The following ABTB2 variants were observed in gnomAD, a reference collection of about 807,000 sequenced individuals.
ABTB2 encodes the protein ankyrin repeat and BTB/POZ domain-containing protein 2.
A neutral mutation model predicts 104.1 loss-of-function variants in ABTB2; 56 were observed. The observed-to-expected ratio is 0.54, with a 90% CI of 0.43 to 0.67. ABTB2 has a LOEUF of 0.67. ABTB2 is among the 30% of genes least tolerant of loss of function. ABTB2 has a pLI of 0.00. For missense variants in ABTB2, 1,279 were observed against 1,407.7 expected (o/e 0.91, Z 1.46); for synonymous variants, 606 against 608.2 (o/e 1.00, Z 0.05).
At chr11:34,216,405 G>A (rs1382608833) in intron 1 of ABTB2, among the ~76,000 whole-genome samples, 2 of 152,118 alleles carry the variant, frequency 1.3e-5, no homozygotes, top group Admixed American at 1.3e-4. Context: ...ATGTCATATA[G>A]TTGGAATCAT....
chr11:34,339,636 G>A (rs1855238703), intron 1 of ABTB2, among the ~76,000 whole-genome samples: 1 of 151,880 alleles, frequency 6.6e-6, no homozygotes, highest in South Asian at 2.1e-4. Context: ...GCTTCCCTGA[G>A]TAGAATCATC....
chr11:34,186,096 G>A (rs1187718989), intron 3 of ABTB2, among the ~76,000 whole-genome samples: 5 of 152,236 alleles, frequency 3.3e-5, no homozygotes, highest in Admixed American at 6.5e-5. Flanking sequence ...GTTTGCCTTG[G>A]GGCCCACGGC....
chr11:34,356,889 G>C lies in ABTB2; in HGVS notation c.695C>G (p.Thr232Ser). 6.2e-7 allele frequency: 1 copy of C among 1,604,582 alleles called. No homozygotes were observed. The highest frequency in any genetic ancestry group is 8.5e-7 in the Non-Finnish European group (1 of 1,175,458). Residue 232 changes from threonine (T) to serine (S), a missense_variant, in exon 1 of 17, where the codon ACC (threonine) becomes AGC (serine). Thr to Ser is a moderately conservative substitution (Grantham distance 58). Transcript: ENST00000435224. This position sits in a 1 kb window ranked among gnomAD's most constrained non-coding sequence, Gnocchi z 4.6. ...RIHEYAAISL[T>S]ACMENLVEEI... ...CTCCACCAGGTTCTCCATGCAGGCG[G>C]TGAGGGAGATGGCTGCGTACTCGTG...
chr11:34,198,297 C>T (rs1031627733), intron 2 of ABTB2, among the ~76,000 whole-genome samples: 5 of 152,072 alleles, frequency 3.3e-5, no homozygotes, highest in African/African-American at 7.2e-5. Context: ...TAGTGGCAGG[C>T]GCCTGTAGTC....
At chr11:34,214,048 C>T (rs148653811) in intron 1 of ABTB2, among the ~76,000 whole-genome samples, 7 of 152,036 alleles carry the variant, frequency 4.6e-5, no homozygotes, top group African/African-American at 7.2e-5. Context: ...CTTTGTCATA[C>T]GCTGTCCTTG....
intron 1 of ABTB2, among the ~76,000 whole-genome samples, chr11:34,255,312 C>T (rs2133071207): frequency 6.6e-6 from 1 of 152,230 alleles, no homozygotes; most frequent in African/African-American, 2.4e-5. Flanking sequence ...TCTCACCTTT[C>T]CCCTCAACTC....
At chr11:34,297,300 A>G (rs1854633923) in intron 1 of ABTB2, among the ~76,000 whole-genome samples, 1 of 152,144 alleles carries the variant, frequency 6.6e-6, no homozygotes, top group Non-Finnish European at 1.5e-5. Flanking sequence ...TCTCAACTAC[A>G]TATTTTTTAA....
At chr11:34,184,325 G>A (rs947551044) in intron 3 of ABTB2, among the ~76,000 whole-genome samples, 3 of 152,196 alleles carry the variant, frequency 2.0e-5, no homozygotes, top group Non-Finnish European at 4.4e-5. Context: ...GGGGAAGCAC[G>A]GCAGCCCGGG....
At chr11:34,153,301 T>C (rs964530980) in intron 16 of ABTB2, among the ~76,000 whole-genome samples, 6 of 152,246 alleles carry the variant, frequency 3.9e-5, no homozygotes, top group East Asian at 1.9e-4. Context: ...GGCTGGCTAT[T>C]ATTTAGCCTG....
chr11:34,357,140 C>A lies in ABTB2; in HGVS notation c.444G>T (p.Val148=). The A allele has an allele frequency of 6.7e-7, 1 of 1,499,472 alleles. No homozygotes were observed. Among genetic ancestry groups the A allele is most frequent in the East Asian group, 2.5e-5 (1 of 39,730 alleles). The allele number at this position is 1,499,472 out of a possible 1,614,324, so 92.9% of individuals were successfully genotyped here. ...CAAAGCGGGTGCACTTGGCGTGCAG[C>A]ACGCTCAGGCGCTGCGCCTCGCGGG... ...RVAREAQRLS[V]LHAKCTRFEV... is the part of the protein sequence containing the mutation. The change falls in exon 1 of 17, where the codon GTG becomes GTT. Residue 148 remains valine, a synonymous_variant. Transcript: ENST00000435224.
rs1309578789 is a variant in ABTB2 at position 34,251,431 on chromosome 11, T to C, written c.884-46741A>G. Among the ~76,000 whole-genome samples, 4 of 152,274 alleles carry C rather than the reference T, an allele frequency of 2.6e-5. No homozygotes were observed. In the East Asian group the frequency reaches 7.7e-4, roughly 29 times the overall value. Reference sequence around the variant, plus strand: ...CAGCCAGAAACACAGCTCCCGACACTGTCTCAGGCACCAGTGAAATGCTAG... The same window carrying C: ...CAGCCAGAAACACAGCTCCCGACACCGTCTCAGGCACCAGTGAAATGCTAG... On this transcript the variant is annotated intron_variant, in intron 1 of 16. Transcript: ENST00000435224.
At chr11:34,173,451 G>T in intron 3 of ABTB2, 144 bp from the exon 4 acceptor site, 1 of 1,070,284 alleles carries the variant, frequency 9.3e-7, no homozygotes. Context: ...CTGGGCAGCA[G>T]AGGGTCAGGC....
intron 1 of ABTB2, among the ~76,000 whole-genome samples, chr11:34,265,192 A>G (rs914918037): frequency 7.2e-5 from 11 of 152,236 alleles, no homozygotes; most frequent in African/African-American, 2.2e-4. Context: ...AAGCCTGAGC[A>G]TATAAGACAA....
intron 3 of ABTB2, among the ~76,000 whole-genome samples, chr11:34,189,646 G>A (rs991421370): frequency 6.6e-6 from 1 of 151,688 alleles, no homozygotes; most frequent in Non-Finnish European, 1.5e-5. Context: ...TAAAGTGTAG[G>A]TCCATTTCTG....
chr11:34,356,752 A>G lies in ABTB2; in HGVS notation c.832T>C (p.Trp278Arg). 1 of 1,611,538 alleles carries G rather than the reference A, an allele frequency of 6.2e-7. No individual in the cohort carries two copies. Among genetic ancestry groups the G allele is most frequent in the Non-Finnish European group, 8.5e-7 (1 of 1,178,712 alleles). Residue 278 changes from tryptophan (W) to arginine (R), a missense_variant, in exon 1 of 17, where the codon TGG (tryptophan) becomes CGG (arginine). Coordinates refer to ENST00000435224, the MANE Select transcript of ABTB2 (RefSeq NM_145804.3). This position sits in a 1 kb window ranked among gnomAD's most constrained non-coding sequence, Gnocchi z 4.6. ...EMVINNDAELWGVLQPYEHLI... is the reference protein window; with the variant it reads ...EMVINNDAELRGVLQPYEHLI... ...TGCTCATAGGGCTGCAAGACGCCCC[A>G]GAGCTCGGCGTCGTTGTTGATGACC...
At chr11:34,262,042 A>G (rs963540993) in intron 1 of ABTB2, among the ~76,000 whole-genome samples, 4 of 152,220 alleles carry the variant, frequency 2.6e-5, no homozygotes, top group African/African-American at 7.2e-5. Flanking sequence ...ACCCAACAAG[A>G]AAACAACACC....
rs147574916 is a variant in ABTB2, at chr11:34,274,973, G to A, written c.884-70283C>T. Reference sequence around the variant, plus strand: ...CAGCAGCCTGGATGCTCCGACTCCCGCCTGGGGCCTGAATCCTGGCCTCTG... The same window carrying A: ...CAGCAGCCTGGATGCTCCGACTCCCACCTGGGGCCTGAATCCTGGCCTCTG... On this transcript the variant is annotated intron_variant, in intron 1 of 16. Coordinates refer to ENST00000435224, the MANE Select transcript of ABTB2 (RefSeq NM_145804.3). Among the ~76,000 whole-genome samples, 442 of 152,238 alleles carry A rather than the reference G, an allele frequency of 2.9e-3. 4 individuals are homozygous for A. Among genetic ancestry groups the A allele is most frequent in the African/African-American group, 0.01 (418 of 41,560 alleles).
rs762923164 is a variant in ABTB2, at chr11:34,160,020, G to A, written c.2504-12C>T. On this transcript the variant is annotated splice_polypyrimidine_tract_variant and intron_variant, in intron 12 of 16. Coordinates refer to ENST00000435224, the MANE Select transcript of ABTB2 (RefSeq NM_145804.3). ...CAAAAAGTGTGGATCTGTGAAAAGCGGGGAGACAGAGGGATATGGCTGAGG... is the reference window on the plus strand; with the variant it reads ...CAAAAAGTGTGGATCTGTGAAAAGCAGGGAGACAGAGGGATATGGCTGAGG... 3.4e-5 allele frequency: 54 copies of A among 1,604,060 alleles called. No homozygotes were observed. The highest frequency in any genetic ancestry group is 4.5e-5 in the Non-Finnish European group (53 of 1,171,788).
Position 34,171,223 on chromosome 11 carries a change from C to T in ABTB2, c.1398-152G>A, listed in dbSNP as rs75775157. 2.9e-3 allele frequency: 2,233 copies of T among 778,972 alleles called. 35 individuals carry two copies. In the African/African-American group the frequency reaches 0.035, roughly 12 times the overall value. 48.3% of individuals were successfully genotyped at this position (778,972 alleles called of 1,614,324 possible). On this transcript the variant is annotated intron_variant, in intron 4 of 16. Coordinates refer to ENST00000435224, the MANE Select transcript of ABTB2 (RefSeq NM_145804.3). ...ATGATCAGATCAGCAATTACTGTCC[C>T]CATCATGTTCTGTCATATGAAGAGC... is the stretch of plus-strand genomic sequence containing the variant.
Sources: gnomAD v4.1 joint callset for allele counts (sites outside exome capture counted in the v4.1 genomes callset) on GRCh38, gnomAD v4.1.1 for gene constraint, Gnocchi (gnomAD v3.1) non-coding constraint, MANE v1.5 for transcripts, NCBI Gene and HGNC (gene_info 2026-07-23, HGNC 2026-07-21) for gene names.